SH3RF1: variants seen among roughly 807,000 people sequenced by gnomAD.
SH3RF1 encodes SH3 domain containing ring finger 1, also known as E3 ubiquitin-protein ligase SH3RF1.
In SH3RF1, 32 loss-of-function variants were observed where a neutral mutation model predicts 74.0. That is an observed-to-expected ratio of 0.43 (90% CI 0.33 to 0.58). The LOEUF (loss-of-function observed/expected upper bound fraction) is 0.58, where lower values mean the gene tolerates loss of function less well. Ranked by LOEUF, SH3RF1 falls within the 20% of genes least tolerant of loss-of-function variation. The pLI, the probability that SH3RF1 is intolerant of heterozygous loss-of-function variation, is 0.05. For synonymous variants in SH3RF1, 396 were observed against 439.6 expected (o/e 0.90, Z 1.24); for missense variants, 954 against 1,130.9 (o/e 0.84, Z 2.24).
At chr4:169,100,587 AC>A (rs1480814831) in intron 11 of SH3RF1, among the ~76,000 whole-genome samples, 1 of 152,034 alleles carries the variant, frequency 6.6e-6, no homozygotes, top group Admixed American at 6.6e-5. Context: ...TGATCCACCC[AC>A]CTTGGCCTCC....
rs141285371 is a variant in SH3RF1 at position 169,226,910 on chromosome 4, T to C, written c.393+41910A>G. On this transcript the variant is annotated intron_variant, in intron 2 of 11. Coordinates refer to ENST00000284637, the MANE Select transcript of SH3RF1 (RefSeq NM_020870.4). The stretch of plus-strand genomic sequence containing the variant: ...GGCCAGGCATAGTGGCTTATGCCTG[T>C]AATCCCAGCACTTTGGTAGGCTGAG... 2.5e-3 allele frequency among the ~76,000 whole-genome samples: 382 copies of C among 152,292 alleles called. 2 individuals carry two copies. The highest frequency in any genetic ancestry group is 8.7e-3 in the African/African-American group (363 of 41,548).
intron 2 of SH3RF1, among the ~76,000 whole-genome samples, chr4:169,203,771 A>C (rs900853762): frequency 4.6e-5 from 7 of 152,156 alleles, no homozygotes; most frequent in Non-Finnish European, 1.0e-4. Flanking sequence ...TAGTTTTCTT[A>C]TCTTCTCTTC....
chr4:169,106,798 A>G (rs774105709), intron 11 of SH3RF1, 49 bp downstream of exon 11: 1 of 1,389,528 alleles, frequency 7.2e-7, no homozygotes, highest in Non-Finnish European at 9.8e-7. Context: ...TCCAGCCTAA[A>G]GCCTATTGTT....
rs1335014256 is a variant in SH3RF1 at position 169,094,537 on chromosome 4, C to T, written c.*1982G>A. On this transcript the variant is annotated 3_prime_UTR_variant, in exon 12 of 12. Coordinates refer to ENST00000284637, the MANE Select transcript of SH3RF1 (RefSeq NM_020870.4). The stretch of plus-strand genomic sequence containing the variant: ...CATAGCTTAAAATATGGAGAAAAGA[C>T]AGGTAAAAAAATTATCTTAACCTGT... 6.6e-6 allele frequency: 1 copy of T among 152,020 alleles called. No homozygotes were observed. The highest frequency in any genetic ancestry group is 2.4e-5 in the African/African-American group (1 of 41,418). 9.4% of individuals were successfully genotyped at this position (152,020 alleles called of 1,614,324 possible).
chr4:169,224,993 G>A (rs1288092296), intron 2 of SH3RF1, among the ~76,000 whole-genome samples: 1 of 152,192 alleles, frequency 6.6e-6, no homozygotes, highest in Non-Finnish European at 1.5e-5. Flanking sequence ...TCCAACAGCA[G>A]TTGGGAAAGA....
At chr4:169,148,371 G>A (rs1308700831) in intron 4 of SH3RF1, among the ~76,000 whole-genome samples, 1 of 152,070 alleles carries the variant, frequency 6.6e-6, no homozygotes, top group Admixed American at 6.6e-5. Context: ...CTACTAGAGT[G>A]TTTATTAGAC....
Position 169,192,116 on chromosome 4 carries a change from G to C in SH3RF1, c.394-35437C>G, listed in dbSNP as rs187241850. ...CAGCAGAGTAAACAGACAACCCACA[G>C]AGTGGGAGAAAATCTTCACAGTCTA... On this transcript the variant is annotated intron_variant, in intron 2 of 11. Coordinates refer to ENST00000284637, the MANE Select transcript of SH3RF1 (RefSeq NM_020870.4). Among the ~76,000 whole-genome samples the C allele has an allele frequency of 2.7e-3, 404 of 152,218 alleles. 3 individuals carry two copies. Among genetic ancestry groups the C allele is most frequent in the Admixed American group, 7.5e-3 (115 of 15,274 alleles).
chr4:169,151,882 A>T (rs1733982221), intron 4 of SH3RF1, among the ~76,000 whole-genome samples: 1 of 152,218 alleles, frequency 6.6e-6, no homozygotes, highest in Non-Finnish European at 1.5e-5. Context: ...TTTGGGAAGC[A>T]TCCAAAATTC....
At position 169,094,433 on chromosome 4, in the gene SH3RF1, T is replaced by C. The variant is rs1407649707; in HGVS notation, c.*2086A>G. 3 of 152,130 alleles carry C rather than the reference T, an allele frequency of 2.0e-5. No homozygotes were observed. Among genetic ancestry groups the C allele is most frequent in the African/African-American group, 7.2e-5 (3 of 41,444 alleles). 9.4% of individuals were successfully genotyped at this position (152,130 alleles called of 1,614,324 possible). A position where few individuals can be genotyped will look rare whatever the true frequency, so the allele number is the denominator to read the frequency against. ...AAACCAATAGAAAACCCATACATTA[T>C]ATTACCTAATGATCTATTAACAGAT... On this transcript the variant is annotated 3_prime_UTR_variant, in exon 12 of 12. Transcript: ENST00000284637.
At chr4:169,143,034 T>TG (rs1733812197) in intron 4 of SH3RF1, among the ~76,000 whole-genome samples, 1 of 152,150 alleles carries the variant, frequency 6.6e-6, no homozygotes, top group Non-Finnish European at 1.5e-5. Context: ...CTTTTAAAAT[T>TG]GATATGAAAG....
chr4:169,183,253 T>C (rs1158807821), intron 2 of SH3RF1, among the ~76,000 whole-genome samples: 2 of 152,256 alleles, frequency 1.3e-5, no homozygotes, highest in African/African-American at 2.4e-5. Flanking sequence ...AGAGCCGAGA[T>C]TGCATCACTG....
chr4:169,190,334 CAAAG>C (rs780080193), intron 2 of SH3RF1, among the ~76,000 whole-genome samples: 18 of 151,920 alleles, frequency 1.2e-4, no homozygotes, highest in Non-Finnish European at 2.4e-4. Flanking sequence ...GCAAGATTAA[CAAAG>C]AAAAGAAGAG....
chr4:169,133,740 A>C (rs1733653556), intron 5 of SH3RF1, among the ~76,000 whole-genome samples: 1 of 152,162 alleles, frequency 6.6e-6, no homozygotes, highest in African/African-American at 2.4e-5. Context: ...GTGCCACTGC[A>C]CTCTAGCCTT....
chr4:169,245,675 T>C (rs920102661), intron 2 of SH3RF1, among the ~76,000 whole-genome samples: 1 of 152,176 alleles, frequency 6.6e-6, no homozygotes, highest in African/African-American at 2.4e-5. Flanking sequence ...ACAAATAATA[T>C]GGCCAGAAAT....
intron 2 of SH3RF1, among the ~76,000 whole-genome samples, chr4:169,173,068 A>G (rs1398140129): frequency 6.6e-6 from 1 of 152,230 alleles, no homozygotes; most frequent in Non-Finnish European, 1.5e-5. Context: ...TAAGATATAC[A>G]AAGAGGAGTA....
intron 4 of SH3RF1, among the ~76,000 whole-genome samples, chr4:169,144,509 A>C (rs1383332843): frequency 1.3e-5 from 2 of 152,186 alleles, no homozygotes; most frequent in Non-Finnish European, 2.9e-5. Flanking sequence ...GCACAGTACT[A>C]AATGAGGGAA....
At chr4:169,210,047 T>G (rs1193558606) in intron 2 of SH3RF1, among the ~76,000 whole-genome samples, 2 of 152,174 alleles carry the variant, frequency 1.3e-5, no homozygotes, top group African/African-American at 4.8e-5. Flanking sequence ...ATGCCTGTCT[T>G]GGCCTCCCAA....
At chr4:169,122,017 T>C in intron 7 of SH3RF1, 83 bp downstream of exon 7, 4 of 1,551,832 alleles carry the variant, frequency 2.6e-6, no homozygotes, top group South Asian at 1.2e-5. Flanking sequence ...TCAGCTCATG[T>C]CAGAAAGGTG....
At chr4:169,123,681 G>A (rs1423919392) in intron 6 of SH3RF1, among the ~76,000 whole-genome samples, 1 of 152,176 alleles carries the variant, frequency 6.6e-6, no homozygotes, top group Non-Finnish European at 1.5e-5. Context: ...CACGAGGTCA[G>A]GAGATCGAGA....
Sources: allele counts gnomAD v4.1 joint callset (sites outside exome capture counted in the v4.1 genomes callset), GRCh38; gene constraint gnomAD v4.1.1; transcripts MANE v1.5; gene names NCBI Gene and HGNC (gene_info 2026-07-23, HGNC 2026-07-21).